Variants in CWC22 observed in about 807,000 individuals in gnomAD.
CWC22 encodes CWC22 spliceosome associated protein.
A neutral mutation model predicts 117.2 loss-of-function variants in CWC22; 53 were observed. That is an observed-to-expected ratio of 0.45 (90% CI 0.36 to 0.57). The LOEUF (loss-of-function observed/expected upper bound fraction) is 0.57, where lower values mean the gene tolerates loss of function less well. CWC22 is among the 20% of genes least tolerant of loss of function. CWC22 has a pLI of 0.00. For synonymous variants in CWC22, 360 were observed against 355.6 expected (o/e 1.01, Z -0.14); for missense variants, 980 against 1,068.8 (o/e 0.92, Z 1.16).
At chr2:179,998,919 CA>C (rs1687777626) in intron 1 of CWC22, among the ~76,000 whole-genome samples, 3 of 152,116 alleles carry the variant, frequency 2.0e-5, no homozygotes, top group Admixed American at 2.0e-4. Context: ...TCAGAACAAG[CA>C]ATTTCTGTGC....
intron 7 of CWC22, 97 bp downstream of exon 7, chr2:179,973,537 T>C (rs1687082425): frequency 8.9e-6 from 7 of 785,032 alleles, no homozygotes; most frequent in African/African-American, 1.8e-5. Context: ...CATTATGTTA[T>C]GTAGCTGTGT....
chr2:179,954,690 G>A (rs1575638956), intron 15 of CWC22, among the ~76,000 whole-genome samples: 1 of 152,030 alleles, frequency 6.6e-6, no homozygotes, highest in African/African-American at 2.4e-5. Flanking sequence ...TGAAAAGACA[G>A]CATTTACTTG....
chr2:180,000,116 G>A (rs765879656), intron 1 of CWC22, among the ~76,000 whole-genome samples: 5 of 152,006 alleles, frequency 3.3e-5, no homozygotes, highest in Admixed American at 6.6e-5. Flanking sequence ...TAGAAAAACC[G>A]TTTCTTGCTA....
chr2:180,000,500 T>C (rs921318011), intron 1 of CWC22, among the ~76,000 whole-genome samples: 7 of 152,232 alleles, frequency 4.6e-5, no homozygotes, highest in Non-Finnish European at 7.3e-5. Flanking sequence ...ATATGTAGTA[T>C]AGGCACTGCA....
intron 13 of CWC22, among the ~76,000 whole-genome samples, chr2:179,962,398 C>G (rs571090219): frequency 2.2e-4 from 34 of 152,252 alleles, no homozygotes; most frequent in African/African-American, 7.9e-4. Flanking sequence ...ATATAATAAA[C>G]ATAAACCTCC....
chr2:179,999,696 A>G (rs182133312), intron 1 of CWC22, among the ~76,000 whole-genome samples: 25 of 152,300 alleles, frequency 1.6e-4, no homozygotes, highest in African/African-American at 6.0e-4. Flanking sequence ...TTGTCATAAA[A>G]TTGCTAAAGG....
rs60944511 is a variant in CWC22 at position 179,948,978 on chromosome 2, T to C, written c.2140+1534A>G. Reference sequence around the variant, plus strand: ...TTAGGGGAAGTTGGAATGAAGAGTATATGGAAATTCTCTGTACTGTTTTTG... The same window carrying C: ...TTAGGGGAAGTTGGAATGAAGAGTACATGGAAATTCTCTGTACTGTTTTTG... On this transcript the variant is annotated intron_variant, in intron 19 of 19. Coordinates refer to ENST00000410053, the MANE Select transcript of CWC22 (RefSeq NM_020943.3). Among the ~76,000 whole-genome samples the C allele has an allele frequency of 9.7e-3, 1,482 of 152,310 alleles. 24 individuals are homozygous for C. Among genetic ancestry groups the C allele is most frequent in the African/African-American group, 0.029 (1,202 of 41,564 alleles).
chr2:179,978,066 T>C, intron 6 of CWC22, 124 bp downstream of exon 6: 7 of 1,140,452 alleles, frequency 6.1e-6, no homozygotes, highest in Non-Finnish European at 7.9e-6. Flanking sequence ...GCATTTTAAA[T>C]AAATATTCTC....
intron 8 of CWC22, 128 bp downstream of exon 8, chr2:179,973,065 A>G: frequency 2.2e-6 from 1 of 449,696 alleles, no homozygotes; most frequent in African/African-American, 2.0e-5. Context: ...TAAAATGAAA[A>G]TATCATCCAA....
intron 11 of CWC22, among the ~76,000 whole-genome samples, chr2:179,966,633 T>G (rs1441302398): frequency 6.6e-6 from 1 of 152,148 alleles, no homozygotes; most frequent in Non-Finnish European, 1.5e-5. Flanking sequence ...AATGATATAT[T>G]CAGAGCTGGA....
chr2:180,005,262 T>C (rs760645395), intron 1 of CWC22, among the ~76,000 whole-genome samples: 11 of 152,290 alleles, frequency 7.2e-5, no homozygotes, highest in Non-Finnish European at 1.2e-4. Flanking sequence ...AAAGACTCCA[T>C]TAAAGTGGCA....
rs79022239 is a variant in CWC22 at position 179,985,916 on chromosome 2, C to A, written c.206+779G>T. Among the ~76,000 whole-genome samples, 222 of 152,076 alleles carry A rather than the reference C, an allele frequency of 1.5e-3. 1 individual carries two copies. The highest frequency in any genetic ancestry group is 5.1e-3 in the African/African-American group (211 of 41,532). On this transcript the variant is annotated intron_variant, in intron 4 of 19. Transcript: ENST00000410053. Reference sequence around the variant, plus strand: ...ATGGATAAGTGGGGACTGATGTATTCTCACTGTAAAAACTATTACTAATTT... The same window carrying A: ...ATGGATAAGTGGGGACTGATGTATTATCACTGTAAAAACTATTACTAATTT...
chr2:179,965,519 G>T (rs1370753868), intron 12 of CWC22, among the ~76,000 whole-genome samples: 6 of 152,150 alleles, frequency 3.9e-5, no homozygotes, highest in Admixed American at 2.6e-4. Flanking sequence ...TCCTGCCAGG[G>T]CTACATAAAT....
chr2:179,965,905 C>A lies in CWC22; in HGVS notation c.1288G>T (p.Glu430Ter). 1 of 1,580,166 alleles carries A rather than the reference C, an allele frequency of 6.3e-7. No individual in the cohort carries two copies. Among genetic ancestry groups the A allele is most frequent in the Non-Finnish European group, 8.7e-7 (1 of 1,149,576 alleles). The change falls in exon 12 of 20, where the codon GAG (glutamate) becomes TAG (stop). Residue 430 changes from glutamate to a stop codon, truncating the protein, a stop_gained. Coordinates refer to ENST00000410053, the MANE Select transcript of CWC22 (RefSeq NM_020943.3). LOFTEE classifies it high-confidence loss of function. The stretch of plus-strand genomic sequence containing the variant: ...TCTTCATCTTCTTCTCCCTCTTCCT[C>A]TTCTTCTTCCTCGTCCTCTTCACTA... ...GSSEEDEEEE[E>*]EEGEEDEEGQ... is the part of the protein sequence containing the mutation.
intron 6 of CWC22, among the ~76,000 whole-genome samples, chr2:179,976,660 C>T (rs1023915502): frequency 6.6e-6 from 1 of 151,972 alleles, no homozygotes; most frequent in Non-Finnish European, 1.5e-5. Flanking sequence ...AAATGCTAAA[C>T]CTCACCAATT....
intron 1 of CWC22, among the ~76,000 whole-genome samples, chr2:180,001,297 T>G (rs1248981563): frequency 6.6e-6 from 1 of 152,066 alleles, no homozygotes; most frequent in Non-Finnish European, 1.5e-5. Flanking sequence ...TTGTGATATG[T>G]AAGTTCACAC....
intron 1 of CWC22, among the ~76,000 whole-genome samples, chr2:179,993,792 ATAT>A (rs1177370967): frequency 5.3e-5 from 8 of 152,140 alleles, no homozygotes; most frequent in African/African-American, 1.9e-4. Flanking sequence ...TAGTAGTGTG[ATAT>A]TATTAAAAAA....
At chr2:179,966,287 T>C (rs981960319) in intron 11 of CWC22, among the ~76,000 whole-genome samples, 6 of 152,174 alleles carry the variant, frequency 3.9e-5, no homozygotes, top group Admixed American at 2.6e-4. Flanking sequence ...CACTGGCAAA[T>C]ATTAGGAATA....
intron 8 of CWC22, among the ~76,000 whole-genome samples, 162 bp downstream of exon 8, chr2:179,973,031 C>A (rs1328900007): frequency 6.6e-6 from 1 of 151,478 alleles, no homozygotes; most frequent in Non-Finnish European, 1.5e-5. Flanking sequence ...AAAAAAAGAA[C>A]ATTAAATATA....
Sources: allele counts gnomAD v4.1 joint callset (sites outside exome capture counted in the v4.1 genomes callset), GRCh38; gene constraint gnomAD v4.1.1; transcripts MANE v1.5; gene names NCBI Gene and HGNC (gene_info 2026-07-23, HGNC 2026-07-21).